QTGAL: variants seen among roughly 807,000 people sequenced by gnomAD.
QTGAL encodes the protein queuosine-tRNA galactosyltransferase, also known as BGnT-like protein 1.
the QTGAL span, among the ~76,000 whole-genome samples, chr17:83,032,811 T>C: frequency 4.6e-3 from 697 of 152,326 alleles, 4 homozygotes; most frequent in African/African-American, 0.016. Flanking sequence ...ACAGGAGTCA[T>C]AGCAGCTGGT....
the QTGAL span, among the ~76,000 whole-genome samples, chr17:83,014,148 C>T: frequency 2.0e-5 from 3 of 152,264 alleles, no homozygotes; most frequent in East Asian, 1.9e-4. Flanking sequence ...ACTGTGAACA[C>T]GGTATAGCTC....
chr17:82,967,525 A>G, the QTGAL span, among the ~76,000 whole-genome samples: 86,284 of 151,932 alleles, frequency 0.57, 24,661 homozygotes, highest in East Asian at 0.76. Context: ...GTTTGGAGAC[A>G]TTCGGGGCTG....
At chr17:82,987,283 AAAAT>A in the QTGAL span, among the ~76,000 whole-genome samples, 244 of 152,366 alleles carry the variant, frequency 1.6e-3, no homozygotes, top group African/African-American at 5.3e-3. Flanking sequence ...GAAAAAGGAA[AAAAT>A]AAATAATGAT....
At chr17:82,948,073 A>G in the QTGAL span, 3 of 152,280 alleles carry the variant, frequency 2.0e-5, no homozygotes, top group Non-Finnish European at 4.4e-5. Flanking sequence ...AAAGTCGAGC[A>G]GCCAGAGGTG....
the QTGAL span, among the ~76,000 whole-genome samples, chr17:82,990,132 CTG>C: frequency 6.6e-6 from 1 of 152,256 alleles, no homozygotes; most frequent in Non-Finnish European, 1.5e-5. Flanking sequence ...TGCTGTGCTT[CTG>C]TGTTGTTCTG....
chr17:83,032,039 C>T, the QTGAL span, among the ~76,000 whole-genome samples: 1 of 152,146 alleles, frequency 6.6e-6, no homozygotes, highest in Non-Finnish European at 1.5e-5. Flanking sequence ...CCGGGTCAGA[C>T]CAGGCCAGGC....
At chr17:82,948,422 C>G in the QTGAL span, 2 of 152,276 alleles carry the variant, frequency 1.3e-5, no homozygotes, top group African/African-American at 4.8e-5. Context: ...GAGGACACAG[C>G]GTCCTTGCAA....
chr17:83,021,582 C>T, the QTGAL span, among the ~76,000 whole-genome samples: 1 of 152,148 alleles, frequency 6.6e-6, no homozygotes, highest in African/African-American at 2.4e-5. Flanking sequence ...ATACTAAGAT[C>T]CTCAAGTGGA....
the QTGAL span, among the ~76,000 whole-genome samples, chr17:83,035,754 C>T: frequency 6.6e-6 from 1 of 151,400 alleles, no homozygotes; most frequent in Non-Finnish European, 1.5e-5. Context: ...GGAAGGAAGT[C>T]TGTAAAGTCT....
At chr17:82,969,612 C>T in the QTGAL span, among the ~76,000 whole-genome samples, 671 of 152,342 alleles carry the variant, frequency 4.4e-3, 7 homozygotes, top group African/African-American at 0.015. Flanking sequence ...GAGTTTGAGG[C>T]TACAGTATGC....
the QTGAL span, chr17:83,048,331 A>G: frequency 1.4e-5 from 11 of 760,578 alleles, no homozygotes; most frequent in Admixed American, 2.3e-5. Flanking sequence ...CCTGGCCTCT[A>G]CTAGGTTCTT....
the QTGAL span, among the ~76,000 whole-genome samples, chr17:82,998,549 G>A: frequency 6.6e-6 from 1 of 152,128 alleles, no homozygotes; most frequent in African/African-American, 2.4e-5. Flanking sequence ...GTGTCACTGT[G>A]TCAGCCAGGA....
the QTGAL span, chr17:83,006,681 C>T: frequency 5.1e-6 from 5 of 985,488 alleles, no homozygotes; most frequent in South Asian, 4.7e-5. The surrounding 1 kb of genome is among the most constrained non-coding windows in gnomAD (Gnocchi z 5.8). Context: ...GATCCGGGAA[C>T]GTGCAGGAGG....
the QTGAL span, among the ~76,000 whole-genome samples, chr17:82,994,359 G>A: frequency 6.6e-6 from 1 of 151,946 alleles, no homozygotes; most frequent in Non-Finnish European, 1.5e-5. Context: ...GCTAGTATGA[G>A]CAAGTATACA....
the QTGAL span, among the ~76,000 whole-genome samples, chr17:82,969,251 C>A: frequency 6.6e-6 from 1 of 152,108 alleles, no homozygotes; most frequent in South Asian, 2.1e-4. Context: ...CCTCTGCCTC[C>A]CGCATTCAAG....
chr17:83,011,590 G>A, the QTGAL span: 1 of 152,182 alleles, frequency 6.6e-6, no homozygotes, highest in Admixed American at 6.5e-5. Flanking sequence ...TTGTTTTAGT[G>A]AAACAAAACT....
the QTGAL span, chr17:83,006,849 C>A: frequency 1.2e-3 from 1,207 of 975,490 alleles, 1 homozygote; most frequent in Non-Finnish European, 1.4e-3. This position sits in a 1 kb window ranked among gnomAD's most constrained non-coding sequence, Gnocchi z 5.8. Context: ...GATAAATGCC[C>A]AGGAGAGCAA....
the QTGAL span, among the ~76,000 whole-genome samples, chr17:82,962,019 G>A: frequency 2.0e-5 from 3 of 152,168 alleles, no homozygotes; most frequent in African/African-American, 7.2e-5. Flanking sequence ...TCTCCTCGTG[G>A]TTCTCTGCGG....
the QTGAL span, among the ~76,000 whole-genome samples, chr17:83,015,283 A>G: frequency 6.6e-6 from 1 of 152,196 alleles, no homozygotes; most frequent in South Asian, 2.1e-4. This position sits in a 1 kb window ranked among gnomAD's most constrained non-coding sequence, Gnocchi z 4.4. Flanking sequence ...ACCGTCTGGC[A>G]TCTTCCAGCA....
Sources: gnomAD v4.1 joint callset for allele counts (sites outside exome capture counted in the v4.1 genomes callset) on GRCh38, gnomAD v4.1.1 for gene constraint, Gnocchi (gnomAD v3.1) non-coding constraint, MANE v1.5 for transcripts, NCBI Gene and HGNC (gene_info 2026-07-23, HGNC 2026-07-21) for gene names.